The following CFAP70 variants were observed in gnomAD, a reference collection of about 807,000 sequenced individuals.
CFAP70 encodes cilia and flagella associated protein 70, also known as cilia- and flagella-associated protein 70.
A neutral mutation model predicts 137.6 loss-of-function variants in CFAP70; 81 were observed. The ratio of observed to expected loss-of-function variants is 0.59; its 90% CI spans 0.49 to 0.71. The LOEUF (loss-of-function observed/expected upper bound fraction) is 0.71, where lower values mean the gene tolerates loss of function less well. Among genes scored for constraint, CFAP70 ranks in the 30% least tolerant of loss-of-function variants. The probability of loss-of-function intolerance (pLI) is 0.00; values close to 1 mark genes in which losing one functional copy is unlikely to be tolerated. For synonymous variants in CFAP70, 382 were observed against 423.6 expected, an observed-to-expected ratio of 0.90 and a Z score of 1.20; for missense variants, 976 against 1,226.7, an observed-to-expected ratio of 0.80 and a Z score of 3.05.
chr10:73,272,920 C>G lies in CFAP70; in HGVS notation c.2925+8G>C. ...CACAGCCCTAGTCTCAAGCCTTCAT[C>G]CTCTTACCCGATAGCAGGCGATTCC... is the stretch of plus-strand genomic sequence containing the variant. On this transcript the variant is annotated splice_region_variant and intron_variant, in intron 24 of 26. Transcript: ENST00000310715. The G allele has an allele frequency of 6.4e-7, 1 of 1,551,392 alleles. No homozygotes were observed. Among genetic ancestry groups the G allele is most frequent in the South Asian group, 1.2e-5 (1 of 84,070 alleles).
At chr10:73,335,396 TG>T in intron 7 of CFAP70, 33 bp downstream of exon 8, 1 of 1,402,336 alleles carries the variant, frequency 7.1e-7, no homozygotes, top group Non-Finnish European at 9.9e-7. Flanking sequence ...CAAGCCTTTG[TG>T]GGTTAGACAT....
In CFAP70 at chr10:73,288,193, G is replaced by A. The variant is rs568937298; in HGVS notation, c.2239+3033C>T. Reference sequence around the variant, plus strand: ...ATTACAGGTGTGAGCCACCGTGCCCGGCCAAACATATCAAAAACATTGATG... The same window carrying A: ...ATTACAGGTGTGAGCCACCGTGCCCAGCCAAACATATCAAAAACATTGATG... On this transcript the variant is annotated intron_variant, in intron 19 of 26. Coordinates refer to ENST00000310715, the Ensembl canonical transcript of CFAP70. 1.2e-4 allele frequency among the ~76,000 whole-genome samples: 19 copies of A among 152,112 alleles called. No homozygotes were observed. In the South Asian group the frequency reaches 3.5e-3, roughly 28 times the overall value.
At chr10:73,280,774 C>T (rs973035088) in intron 19 of CFAP70, among the ~76,000 whole-genome samples, 1 of 152,158 alleles carries the variant, frequency 6.6e-6, no homozygotes, top group Non-Finnish European at 1.5e-5. Flanking sequence ...TCCTCTCTCT[C>T]ATTTGTGATA....
In CFAP70 at chr10:73,291,411, C is replaced by T. The variant is rs140360144; in HGVS notation, c.2054G>A (p.Arg685Gln). The T allele has an allele frequency of 2.1e-3, 3,461 of 1,614,066 alleles. 3 individuals are homozygous for T. Among genetic ancestry groups the T allele is most frequent in the Non-Finnish European group, 2.7e-3 (3,234 of 1,180,016 alleles). ...GGCCTCATGAAATGCCATTTCCATT[C>T]GAATATCATTGTTTTGAATTTCATA... Residue 685 changes from arginine (R) to glutamine (Q), a missense_variant, in exon 19 of 27, where the codon CGA (arginine) becomes CAA (glutamine). Coordinates refer to ENST00000310715, the Ensembl canonical transcript of CFAP70.
Position 73,293,398 on chromosome 10 carries a change from G to A in CFAP70, c.1645-10C>T. 1 of 1,578,976 alleles carries A rather than the reference G, an allele frequency of 6.3e-7. No homozygotes were observed. Among genetic ancestry groups the A allele is most frequent in the South Asian group, 1.2e-5 (1 of 85,444 alleles). ...CATCATCTGGCATGGTCTTGTCAAT[G>A]TCAAGATGTTAGGTAGACAAAAATG... On this transcript the variant is annotated splice_polypyrimidine_tract_variant and intron_variant, in intron 15 of 26. Coordinates refer to ENST00000310715, the Ensembl canonical transcript of CFAP70.
intron 9 of CFAP70, among the ~76,000 whole-genome samples, chr10:73,313,015 G>T (rs191223190): frequency 6.6e-6 from 1 of 152,100 alleles, no homozygotes; most frequent in Non-Finnish European, 1.5e-5. Context: ...TGTGAGCTCA[G>T]CAGTTCAAGA....
At chr10:73,326,184 A>G (rs2051398048) in intron 8 of CFAP70, among the ~76,000 whole-genome samples, 1 of 152,106 alleles carries the variant, frequency 6.6e-6, no homozygotes, top group Non-Finnish European at 1.5e-5. Flanking sequence ...TAAGAAACTC[A>G]CTCAAAACTG....
At chr10:73,270,965 A>G (rs562897036) in intron 24 of CFAP70, among the ~76,000 whole-genome samples, 12 of 152,180 alleles carry the variant, frequency 7.9e-5, no homozygotes, top group Non-Finnish European at 1.8e-4. Flanking sequence ...TATTTAATCA[A>G]CCTACATTTG....
intron 9 of CFAP70, among the ~76,000 whole-genome samples, chr10:73,315,946 C>T (rs1163169425): frequency 6.6e-6 from 1 of 152,090 alleles, no homozygotes; most frequent in Non-Finnish European, 1.5e-5. Flanking sequence ...TTGCCTATTT[C>T]TCCTTTCAAT....
At chr10:73,303,192 C>A (rs1323922712) in intron 12 of CFAP70, among the ~76,000 whole-genome samples, 1 of 151,988 alleles carries the variant, frequency 6.6e-6, no homozygotes, top group Non-Finnish European at 1.5e-5. Context: ...CCACCATACC[C>A]AGCCTAAGTA....
intron 9 of CFAP70, among the ~76,000 whole-genome samples, chr10:73,322,591 C>T (rs1355102679): frequency 6.8e-6 from 1 of 146,074 alleles, no homozygotes; most frequent in Non-Finnish European, 1.5e-5. Context: ...AAAAAAAGTA[C>T]TCTCTTTTCT....
chr10:73,334,188 A>G (rs1034393112), intron 7 of CFAP70, among the ~76,000 whole-genome samples: 3 of 152,224 alleles, frequency 2.0e-5, no homozygotes, highest in Non-Finnish European at 2.9e-5. Context: ...GAAGACTGAT[A>G]GTTACCTACA....
chr10:73,286,386 G>A (rs2047713846), intron 19 of CFAP70, among the ~76,000 whole-genome samples: 1 of 152,162 alleles, frequency 6.6e-6, no homozygotes, highest in Non-Finnish European at 1.5e-5. Context: ...GGAGCTTGCA[G>A]TGAGCCGAGA....
exon 21 of CFAP70, chr10:73,277,342 A>G: frequency 1.9e-6 from 3 of 1,613,858 alleles, no homozygotes; most frequent in Non-Finnish European, 2.5e-6. Flanking sequence ...GAGCTGATGA[A>G]TCTTGACATT....
At chr10:73,296,925 T>C (rs2048585378) in intron 15 of CFAP70, 117 bp downstream of exon 16, 1 of 1,283,648 alleles carries the variant, frequency 7.8e-7, no homozygotes, top group Admixed American at 2.3e-5. Context: ...TTTCAGTGCC[T>C]AGCACAGAGC....
chr10:73,361,610 A>G (rs986789027), upstream of CFAP70, among the ~76,000 whole-genome samples: 4 of 152,134 alleles, frequency 2.6e-5, no homozygotes, highest in East Asian at 3.8e-4. Context: ...AATTTCAGGG[A>G]AAAAAACTAT....
intron 12 of CFAP70, among the ~76,000 whole-genome samples, chr10:73,302,888 T>C (rs200464285): frequency 1.6e-5 from 2 of 122,814 alleles, no homozygotes; most frequent in East Asian, 3.6e-4. Flanking sequence ...CTTTTCTTTT[T>C]TTTTTTTTTT....
chr10:73,350,885 G>A (rs989667192), intron 3 of CFAP70, among the ~76,000 whole-genome samples: 6 of 150,444 alleles, frequency 4.0e-5, no homozygotes, highest in Non-Finnish European at 7.4e-5. Context: ...CTCAGCCTCT[G>A]GAGTAGCTAG....
chr10:73,260,006 T>C (rs138979367), intron 25 of CFAP70, among the ~76,000 whole-genome samples: 12 of 151,528 alleles, frequency 7.9e-5, no homozygotes, highest in Non-Finnish European at 1.5e-4. Flanking sequence ...CCAGCCTGGG[T>C]ACCAGAGCAA....
Sources: gnomAD v4.1 joint callset for allele counts (sites outside exome capture counted in the v4.1 genomes callset) on GRCh38, gnomAD v4.1.1 for gene constraint, MANE v1.5 for transcripts, NCBI Gene and HGNC (gene_info 2026-07-23, HGNC 2026-07-21) for gene names.